The following PABPC4L variants were observed in gnomAD, a reference collection of about 807,000 sequenced individuals.
PABPC4L encodes the protein poly(A) binding protein cytoplasmic 4 like, also known as polyadenylate-binding protein 4-like.
For missense variants in PABPC4L, 452 were observed against 451.4 expected, an observed-to-expected ratio of 1.00 and a Z score of -0.01; for synonymous variants, 169 against 164.1, an observed-to-expected ratio of 1.03 and a Z score of -0.23.
intron 1 of PABPC4L, 84 bp from the exon 2 acceptor site, chr4:134,201,329 C>A: frequency 1.5e-6 from 2 of 1,298,820 alleles, no homozygotes; most frequent in South Asian, 2.8e-5. Context: ...GCGGGCTGGC[C>A]CTCCATCTGA....
the PABPC4L span, among the ~76,000 whole-genome samples, chr4:133,959,738 A>C: frequency 6.6e-6 from 1 of 152,230 alleles, no homozygotes. Flanking sequence ...CTGAACATAA[A>C]GTCTTAAATG....
At chr4:134,037,922 C>T in the PABPC4L span, among the ~76,000 whole-genome samples, 8 of 152,084 alleles carry the variant, frequency 5.3e-5, no homozygotes, top group South Asian at 2.1e-4. Flanking sequence ...GGAATGCTTC[C>T]AGTTTTTGCC....
At chr4:134,015,912 T>A in the PABPC4L span, among the ~76,000 whole-genome samples, 3 of 152,166 alleles carry the variant, frequency 2.0e-5, no homozygotes, top group Admixed American at 6.5e-5. Context: ...ATCTATTTTC[T>A]TCCTCACACC....
At chr4:134,164,386 C>T in the PABPC4L span, among the ~76,000 whole-genome samples, 1 of 147,338 alleles carries the variant, frequency 6.8e-6, no homozygotes, top group African/African-American at 2.5e-5. Flanking sequence ...ATCCTAAAGA[C>T]AACTCCAAAA....
At chr4:134,178,137 T>C in the PABPC4L span, among the ~76,000 whole-genome samples, 4 of 152,014 alleles carry the variant, frequency 2.6e-5, no homozygotes, top group African/African-American at 9.6e-5. Context: ...CCAGGAGGCA[T>C]ACATATAGCA....
the PABPC4L span, among the ~76,000 whole-genome samples, chr4:133,973,372 A>AC: frequency 1.6e-5 from 1 of 63,172 alleles, no homozygotes; most frequent in Non-Finnish European, 3.3e-5. Context: ...AGAGCATAGG[A>AC]AAAAAAAAAA....
At chr4:134,172,707 T>C in the PABPC4L span, among the ~76,000 whole-genome samples, 3 of 151,822 alleles carry the variant, frequency 2.0e-5, no homozygotes, top group African/African-American at 4.8e-5. Context: ...AAAAAAACTA[T>C]CTATATCGTT....
At chr4:134,173,903 G>A in the PABPC4L span, among the ~76,000 whole-genome samples, 5 of 151,974 alleles carry the variant, frequency 3.3e-5, no homozygotes, top group Non-Finnish European at 7.4e-5. Context: ...TGATGGTACT[G>A]TAACTTTTTT....
the PABPC4L span, among the ~76,000 whole-genome samples, chr4:133,983,368 G>C: frequency 1.3e-5 from 2 of 151,724 alleles, no homozygotes; most frequent in African/African-American, 4.8e-5. Context: ...GCCCCTTTCT[G>C]GTAACACAAG....
the PABPC4L span, among the ~76,000 whole-genome samples, chr4:133,984,685 A>T: frequency 6.6e-6 from 1 of 151,916 alleles, no homozygotes; most frequent in African/African-American, 2.4e-5. Context: ...CTCTGGGTAC[A>T]ATAGATCATG....
the PABPC4L span, among the ~76,000 whole-genome samples, chr4:134,132,682 C>A: frequency 6.6e-6 from 1 of 151,486 alleles, no homozygotes; most frequent in Non-Finnish European, 1.5e-5. Flanking sequence ...GTAGATCTAC[C>A]AGTTGATCCA....
chr4:134,076,630 T>G, the PABPC4L span, among the ~76,000 whole-genome samples: 3 of 152,058 alleles, frequency 2.0e-5, no homozygotes, highest in Admixed American at 6.6e-5. Context: ...AGGTAATCTT[T>G]GCGGGCAAGT....
At chr4:134,146,350 T>C in the PABPC4L span, among the ~76,000 whole-genome samples, 105,092 of 151,364 alleles carry the variant, frequency 0.69, 37,811 homozygotes, top group East Asian at 1. Flanking sequence ...TGATTTTTAA[T>C]GTTTTTTTCT....
chr4:134,183,631 TTAAAA>T, the PABPC4L span, among the ~76,000 whole-genome samples: 2 of 151,754 alleles, frequency 1.3e-5, no homozygotes, highest in Non-Finnish European at 2.9e-5. Context: ...ACACCAAAAC[TTAAAA>T]TAAAAGTTAG....
the PABPC4L span, among the ~76,000 whole-genome samples, chr4:133,979,664 G>T: frequency 6.6e-6 from 1 of 152,060 alleles, no homozygotes; most frequent in African/African-American, 2.4e-5. Flanking sequence ...CAGATAAAAA[G>T]AATACTACTG....
the PABPC4L span, among the ~76,000 whole-genome samples, chr4:134,010,347 A>G: frequency 6.6e-6 from 1 of 152,112 alleles, no homozygotes; most frequent in African/African-American, 2.4e-5. Flanking sequence ...ATCAGTGATC[A>G]ATCAGAATAG....
chr4:133,955,716 C>T, the PABPC4L span, among the ~76,000 whole-genome samples: 1 of 152,154 alleles, frequency 6.6e-6, no homozygotes, highest in Non-Finnish European at 1.5e-5. Context: ...AAAAGAATTT[C>T]TGCCAGTTTC....
the PABPC4L span, among the ~76,000 whole-genome samples, chr4:134,133,012 T>A: frequency 9.5e-6 from 1 of 105,262 alleles, no homozygotes; most frequent in African/African-American, 4.6e-5. Context: ...TACTATATGA[T>A]AGTATATACT....
the PABPC4L span, among the ~76,000 whole-genome samples, chr4:133,954,110 A>C: frequency 6.6e-6 from 1 of 152,188 alleles, no homozygotes; most frequent in African/African-American, 2.4e-5. Flanking sequence ...TTCTTTCCTC[A>C]AGTTCAGATA....
Sources: allele counts gnomAD v4.1 joint callset (sites outside exome capture counted in the v4.1 genomes callset), GRCh38; gene constraint gnomAD v4.1.1; transcripts MANE v1.5; gene names NCBI Gene and HGNC (gene_info 2026-07-23, HGNC 2026-07-21).